SNN: variants seen among roughly 807,000 people sequenced by gnomAD.
SNN encodes stannin, also known as AG8_1.
SNN carries 5 observed loss-of-function variants against 5.3 expected under a neutral mutation model. The ratio of observed to expected loss-of-function variants is 0.94; its 90% CI spans 0.49 to 1.97. The LOEUF (loss-of-function observed/expected upper bound fraction) is 1.97, where lower values mean the gene tolerates loss of function less well. Ranked by LOEUF, SNN falls within the 30% of genes most tolerant of loss-of-function variation. The pLI, the probability that SNN is intolerant of heterozygous loss-of-function variation, is 0.01. For missense variants in SNN, 127 were observed against 121.6 expected (o/e 1.04, Z -0.21); for synonymous variants, 67 against 52.1 (o/e 1.29, Z -1.24).
Position 11,676,088 on chromosome 16 carries a change from C to T in SNN, c.29C>T (p.Thr10Met), listed in dbSNP as rs747532883. The change falls in exon 2 of 2, where the codon ACG becomes ATG. Residue 10 changes from threonine (T) to methionine (M), a missense_variant. Thr to Met is a moderately conservative substitution (Grantham distance 81). Transcript: ENST00000329565. MSIMDHSPT[T>M]GVVTVIVILI... ...TCTATTATGGACCACAGCCCCACCA[C>T]GGGCGTGGTCACAGTCATCGTCATC... The T allele has an allele frequency of 5.6e-6, 9 of 1,611,256 alleles. No homozygotes were observed. The highest frequency in any genetic ancestry group is 5.3e-5 in the African/African-American group (4 of 74,866).
Position 11,676,166 on chromosome 16 carries a change from T to A in SNN, c.107T>A (p.Leu36Gln), listed in dbSNP as rs1338929256. 2 of 1,614,184 alleles carry A rather than the reference T, an allele frequency of 1.2e-6. No homozygotes were observed. Among genetic ancestry groups the A allele is most frequent in the Non-Finnish European group, 1.7e-6 (2 of 1,180,036 alleles). Residue 36 changes from leucine (L) to glutamine (Q), a missense_variant, in exon 2 of 2, where the codon CTG (leucine) becomes CAG (glutamine). Physicochemically the swap from Leu to Gln is moderately radical, Grantham distance 113. Coordinates refer to ENST00000329565, the MANE Select transcript of SNN (RefSeq NM_003498.6). Reference protein sequence around the residue: ...GALILGCWCYLRLQRISQSED... With the variant: ...GALILGCWCYQRLQRISQSED... ...TTGATCCTGGGCTGCTGGTGCTACCTGCGGCTGCAGCGCATCAGCCAGTCA... is the reference window on the plus strand; with the variant it reads ...TTGATCCTGGGCTGCTGGTGCTACCAGCGGCTGCAGCGCATCAGCCAGTCA...
In SNN at chr16:11,671,085, G is replaced by C. The variant is rs536452172; in HGVS notation, c.-86+2545G>C. Among the ~76,000 whole-genome samples the C allele has an allele frequency of 5.9e-5, 9 of 152,378 alleles. No individual in the cohort carries two copies. Among genetic ancestry groups the C allele is most frequent in the Non-Finnish European group, 1.0e-4 (7 of 68,038 alleles). On this transcript the variant is annotated intron_variant, in intron 1 of 1. Transcript: ENST00000329565. The surrounding 1 kb of genome is among the most constrained non-coding windows in gnomAD (Gnocchi z 4.7). ...CCCCCGCTCACCTGGCATGGCTCAG[G>C]CTTGTCTTGCAGTTGTTATTCCTTG...
intron 1 of SNN, among the ~76,000 whole-genome samples, chr16:11,669,034 A>G (rs1458190669): frequency 1.3e-5 from 2 of 152,068 alleles, no homozygotes; most frequent in Non-Finnish European, 2.9e-5. Context: ...CGGCGTGGGC[A>G]TGCCTAGCTC....
chr16:11,678,980 A>C lies in SNN; in HGVS notation c.*2654A>C, dbSNP rs1567282170. ...GACTAATTTTTTGGACAAATCTTCA[A>C]ACGGACTGTGCTACTGTATTTGTCT... On this transcript the variant is annotated 3_prime_UTR_variant, in exon 2 of 2. Coordinates refer to ENST00000329565, the MANE Select transcript of SNN (RefSeq NM_003498.6). The C allele has an allele frequency of 1.7e-6, 1 of 575,032 alleles. No homozygotes were observed. Among genetic ancestry groups the C allele is most frequent in the African/African-American group, 1.9e-5 (1 of 51,340 alleles). The allele number at this position is 575,032 out of a possible 1,614,324, so 35.6% of individuals were successfully genotyped here.
intron 1 of SNN, among the ~76,000 whole-genome samples, chr16:11,674,240 A>G (rs1409161841): frequency 6.6e-6 from 1 of 152,174 alleles, no homozygotes; most frequent in Non-Finnish European, 1.5e-5. Context: ...CCGCACGCCC[A>G]GTCCTGTGTA....
chr16:11,673,687 T>C (rs8191301), intron 1 of SNN, among the ~76,000 whole-genome samples: 4,718 of 152,174 alleles, frequency 0.031, 239 homozygotes, highest in African/African-American at 0.11. Context: ...TGAACAAGGG[T>C]AAGCCGCCAG....
chr16:11,678,962 T>A lies in SNN; in HGVS notation c.*2636T>A. 1.9e-6 allele frequency: 1 copy of A among 536,796 alleles called. No individual in the cohort carries two copies. Among genetic ancestry groups the A allele is most frequent in the Non-Finnish European group, 3.3e-6 (1 of 300,666 alleles). The allele number at this position is 536,796 out of a possible 1,614,324, so 33.3% of individuals were successfully genotyped here. ...CTGAGCCACTAAAATATGGACTAATTTTTTGGACAAATCTTCAAACGGACT... is the reference window on the plus strand; with the variant it reads ...CTGAGCCACTAAAATATGGACTAATATTTTGGACAAATCTTCAAACGGACT... On this transcript the variant is annotated 3_prime_UTR_variant, in exon 2 of 2. Coordinates refer to ENST00000329565, the MANE Select transcript of SNN (RefSeq NM_003498.6).
Position 11,679,083 on chromosome 16 carries a change from T to C in SNN, c.*2757T>C. ...AAATGCTGAATGACATTCAAGCTGA[T>C]TTTCTAGACCACTGAGAAAATCTTT... On this transcript the variant is annotated 3_prime_UTR_variant, in exon 2 of 2. Coordinates refer to ENST00000329565, the MANE Select transcript of SNN (RefSeq NM_003498.6). The surrounding 1 kb of genome is among the most constrained non-coding windows in gnomAD (Gnocchi z 4.6). 1.7e-6 allele frequency: 2 copies of C among 1,175,328 alleles called. No individual in the cohort carries two copies. The highest frequency in any genetic ancestry group is 2.9e-4 in the Middle Eastern group (1 of 3,392). The allele number at this position is 1,175,328 out of a possible 1,614,324, so 72.8% of individuals were successfully genotyped here.
chr16:11,679,008 A>G lies in SNN; in HGVS notation c.*2682A>G. Reference sequence around the variant, plus strand: ...GGACTGTGCTACTGTATTTGTCTCAAAGCTACCAAGTTTGTGCAATAAGTG... The same window carrying G: ...GGACTGTGCTACTGTATTTGTCTCAGAGCTACCAAGTTTGTGCAATAAGTG... On this transcript the variant is annotated 3_prime_UTR_variant, in exon 2 of 2. Coordinates refer to ENST00000329565, the MANE Select transcript of SNN (RefSeq NM_003498.6). This position sits in a 1 kb window ranked among gnomAD's most constrained non-coding sequence, Gnocchi z 4.6. 1.5e-6 allele frequency: 1 copy of G among 677,932 alleles called. No homozygotes were observed. The highest frequency in any genetic ancestry group is 3.1e-5 in the Admixed American group (1 of 32,518). 42.0% of individuals were successfully genotyped at this position (677,932 alleles called of 1,614,324 possible).
In SNN at chr16:11,677,036, G is replaced by C. The variant is rs530297692; in HGVS notation, c.*710G>C. ...GTGGAGTTACTGCAGGGAAGCTACC[G>C]GACCTGCCTGGGAGCCAGTGAAGGG... On this transcript the variant is annotated 3_prime_UTR_variant, in exon 2 of 2. Coordinates refer to ENST00000329565, the MANE Select transcript of SNN (RefSeq NM_003498.6). The surrounding 1 kb of genome is among the most constrained non-coding windows in gnomAD (Gnocchi z 4.2). 1 of 167,286 alleles carries C rather than the reference G, an allele frequency of 6.0e-6. No individual in the cohort carries two copies. Among genetic ancestry groups the C allele is most frequent in the African/African-American group, 2.4e-5 (1 of 41,580 alleles). The allele number at this position is 167,286 out of a possible 1,614,324, so 10.4% of individuals were successfully genotyped here.
rs956757781 is a variant in SNN at position 11,668,827 on chromosome 16, C to T, written c.-86+287C>T. 1.3e-5 allele frequency among the ~76,000 whole-genome samples: 2 copies of T among 151,612 alleles called. No individual in the cohort carries two copies. The highest frequency in any genetic ancestry group is 4.8e-5 in the African/African-American group (2 of 41,340). On this transcript the variant is annotated intron_variant, in intron 1 of 1. Transcript: ENST00000329565. The surrounding 1 kb of genome is among the most constrained non-coding windows in gnomAD (Gnocchi z 6.8). ...TGTGGGGATCGCGGGGCGCTCGCCC[C>T]CGCCCGTGCAGCCCCCGCCCGTCCT...
intron 1 of SNN, among the ~76,000 whole-genome samples, chr16:11,675,213 G>A (rs1189666919): frequency 6.6e-6 from 1 of 151,586 alleles, no homozygotes; most frequent in East Asian, 1.9e-4. Flanking sequence ...ATGTCTGTTT[G>A]GGAGAGGGAC....
rs2050311039 is a variant in SNN, at chr16:11,677,200, C to CA, written c.*875dup. On this transcript the variant is annotated 3_prime_UTR_variant, in exon 2 of 2. Transcript: ENST00000329565. The surrounding 1 kb of genome is among the most constrained non-coding windows in gnomAD (Gnocchi z 4.2). ...GCTTCGCTGAAATTGCTTTGGTCCT[C>CA]ATAGAGCCTGTGGTGGCTACTTTTG... is the stretch of plus-strand genomic sequence containing the variant. The CA allele has an allele frequency of 6.0e-6, 1 of 167,206 alleles. No homozygotes were observed. Among genetic ancestry groups the CA allele is most frequent in the African/African-American group, 2.4e-5 (1 of 41,472 alleles). 10.4% of individuals were successfully genotyped at this position (167,206 alleles called of 1,614,324 possible).
intron 1 of SNN, among the ~76,000 whole-genome samples, chr16:11,673,689 A>T (rs8191302): frequency 0.031 from 4,718 of 152,310 alleles, 239 homozygotes; most frequent in African/African-American, 0.11. Context: ...AACAAGGGTA[A>T]GCCGCCAGAA....
At chr16:11,673,617 C>T (rs1487901864) in intron 1 of SNN, among the ~76,000 whole-genome samples, 1 of 152,202 alleles carries the variant, frequency 6.6e-6, no homozygotes, top group Non-Finnish European at 1.5e-5. Context: ...CCAGAAGTGG[C>T]TCCAGACATG....
intron 1 of SNN, among the ~76,000 whole-genome samples, chr16:11,673,079 A>C (rs1035112453): frequency 5.3e-5 from 8 of 152,182 alleles, no homozygotes; most frequent in African/African-American, 1.4e-4. Flanking sequence ...CCAGAGGTGC[A>C]GGGGAGAGGG....
chr16:11,676,101 A>G lies in SNN; in HGVS notation c.42A>G (p.Thr14=), dbSNP rs949134817. 1.2e-6 allele frequency: 2 copies of G among 1,613,412 alleles called. No homozygotes were observed. Among genetic ancestry groups the G allele is most frequent in the African/African-American group, 2.7e-5 (2 of 74,916 alleles). ...ACAGCCCCACCACGGGCGTGGTCACAGTCATCGTCATCCTCATTGCCATCG... is the reference window on the plus strand; with the variant it reads ...ACAGCCCCACCACGGGCGTGGTCACGGTCATCGTCATCCTCATTGCCATCG... The part of the protein sequence containing the change: ...MDHSPTTGVV[T]VIVILIAIAA... Residue 14 remains threonine, a synonymous_variant, in exon 2 of 2, where the codon ACA becomes ACG. Transcript: ENST00000329565.
At chr16:11,675,859 C>T (rs146653360) in intron 1 of SNN, 116 bp from the exon 2 acceptor site, 12 of 578,124 alleles carry the variant, frequency 2.1e-5, no homozygotes, top group African/African-American at 1.5e-4. Context: ...CGCCTTCGAA[C>T]GCCGGCCAGC....
rs2050268328 is a variant in SNN at position 11,671,888 on chromosome 16, T to TGCCA, written c.-86+3351_-86+3354dup. On this transcript the variant is annotated intron_variant, in intron 1 of 1. Transcript: ENST00000329565. This position sits in a 1 kb window ranked among gnomAD's most constrained non-coding sequence, Gnocchi z 4.7. Reference sequence around the variant, plus strand: ...TTGGCCACCCCCTTCCCTCCCTGCCTGCCAGCAAGCATGGAGCCAGCTGCC... The same window carrying TGCCA: ...TTGGCCACCCCCTTCCCTCCCTGCCTGCCAGCCAGCAAGCATGGAGCCAGCTGCC... Among the ~76,000 whole-genome samples, 1 of 152,188 alleles carries TGCCA rather than the reference T, an allele frequency of 6.6e-6. No individual in the cohort carries two copies. The highest frequency in any genetic ancestry group is 2.1e-4 in the South Asian group (1 of 4,826).
Sources: allele counts gnomAD v4.1 joint callset (sites outside exome capture counted in the v4.1 genomes callset), GRCh38; gene constraint gnomAD v4.1.1; non-coding constraint Gnocchi (gnomAD v3.1); transcripts MANE v1.5; gene names NCBI Gene and HGNC (gene_info 2026-07-23, HGNC 2026-07-21).